LY75: variants seen among roughly 807,000 people sequenced by gnomAD.
LY75 encodes lymphocyte antigen 75, also known as C-type lectin domain family 13 member B.
In LY75, 185 loss-of-function variants were observed where a neutral mutation model predicts 231.7. The ratio of observed to expected loss-of-function variants is 0.80; its 90% CI spans 0.71 to 0.90. The LOEUF (loss-of-function observed/expected upper bound fraction) is 0.90, where lower values mean the gene tolerates loss of function less well. Ranked by LOEUF, LY75 falls within the 40% of genes least tolerant of loss-of-function variation. The probability of loss-of-function intolerance (pLI) is 0.00; values close to 1 mark genes in which losing one functional copy is unlikely to be tolerated. For missense variants in LY75, 1,947 were observed against 2,050.2 expected (o/e 0.95, Z 0.97); for synonymous variants, 668 against 689.0 (o/e 0.97, Z 0.48).
At chr2:159,878,108 A>T (rs1685327048) in intron 11 of LY75, among the ~76,000 whole-genome samples, 1 of 152,182 alleles carries the variant, frequency 6.6e-6, no homozygotes, top group Admixed American at 6.5e-5. Flanking sequence ...GTGGTTTGGG[A>T]GAACTAAGTT....
At chr2:159,817,628 C>T (rs1683159472) in intron 29 of LY75, among the ~76,000 whole-genome samples, 1 of 152,052 alleles carries the variant, frequency 6.6e-6, no homozygotes, top group South Asian at 2.1e-4. Context: ...TGAACCTATA[C>T]TAGGTCTAGA....
At chr2:159,886,381 A>G (rs771547629) in intron 5 of LY75, 39 bp downstream of exon 5, 1 of 1,521,514 alleles carries the variant, frequency 6.6e-7, no homozygotes. Context: ...TTTTTTGAAG[A>G]TTTGTTCTGT....
In LY75 at chr2:159,810,771, T is replaced by C; in HGVS notation, c.4550-96A>G. The C allele has an allele frequency of 4.6e-6, 7 of 1,538,038 alleles. No individual in the cohort carries two copies. The South Asian group carries it at 8.9e-5, about 20-fold the overall frequency. ...TGTCCCTGATTGGAACTGTTGCGTT[T>C]GTGGTTGAGTAGCATTTAACTCATA... is the stretch of plus-strand genomic sequence containing the variant. On this transcript the variant is annotated intron_variant, in intron 31 of 34. Coordinates refer to ENST00000263636, the MANE Select transcript of LY75 (RefSeq NM_002349.4).
intron 32 of LY75, among the ~76,000 whole-genome samples, chr2:159,808,784 T>A (rs1304524405): frequency 6.6e-6 from 1 of 152,224 alleles, no homozygotes; most frequent in Non-Finnish European, 1.5e-5. Context: ...AGAAATTTTG[T>A]GTTTCTTCAA....
chr2:159,807,941 T>A, intron 33 of LY75: 1 of 971,028 alleles, frequency 1.0e-6, no homozygotes, highest in Non-Finnish European at 1.2e-6. Flanking sequence ...AAGCTGCAAT[T>A]ACTTTCACAC....
At chr2:159,859,442 C>T (rs1684635113) in intron 15 of LY75, among the ~76,000 whole-genome samples, 1 of 152,110 alleles carries the variant, frequency 6.6e-6, no homozygotes, top group Non-Finnish European at 1.5e-5. Flanking sequence ...TTTTTTCACT[C>T]TATATATTGG....
intron 29 of LY75, among the ~76,000 whole-genome samples, chr2:159,819,249 T>G (rs1316575165): frequency 6.6e-6 from 1 of 152,166 alleles, no homozygotes; most frequent in Admixed American, 6.5e-5. Context: ...AACTAACATA[T>G]ATTTAAAAAT....
intron 29 of LY75, 77 bp from the exon 30 acceptor site, chr2:159,817,109 C>G (rs955613179): frequency 7.2e-7 from 1 of 1,392,564 alleles, no homozygotes; most frequent in Non-Finnish European, 9.5e-7. Context: ...AACATGCAAT[C>G]ATTTCAAAAG....
In LY75 at chr2:159,899,071, GGACA is replaced by G. The variant is rs769396638; in HGVS notation, c.95-16_95-13del. 203 of 1,606,184 alleles carry G rather than the reference GGACA, an allele frequency of 1.3e-4. No homozygotes were observed. The highest frequency in any genetic ancestry group is 1.6e-4 in the Non-Finnish European group (190 of 1,176,272). On this transcript the variant is annotated splice_polypyrimidine_tract_variant and intron_variant, in intron 1 of 34. Coordinates refer to ENST00000263636, the MANE Select transcript of LY75 (RefSeq NM_002349.4). ...GAAGGGGTCATTAGCTGAGTCAAATGGACAGACAGATTGTAGATTATGTGGTTGA... is the reference window on the plus strand; with the variant it reads ...GAAGGGGTCATTAGCTGAGTCAAATGGACAGATTGTAGATTATGTGGTTGA...
chr2:159,875,634 C>A lies in LY75; in HGVS notation c.1784G>T (p.Gly595Val). ...NWNFLEPASP[G>V]GCVAMSTGKS... Reference sequence around the variant, plus strand: ...TCCAGTAGACATAGCCACGCAGCCGCCCGGGGAAGCTGGGATTGAAGTGGA... The same window carrying A: ...TCCAGTAGACATAGCCACGCAGCCGACCGGGGAAGCTGGGATTGAAGTGGA... The change falls in exon 12 of 35, where the codon GGC becomes GTC. Residue 595 changes from glycine (G) to valine (V), a missense_variant. Physicochemically the swap from Gly to Val is moderately radical, Grantham distance 109. Transcript: ENST00000263636. The A allele has an allele frequency of 6.2e-7, 1 of 1,613,744 alleles. No individual in the cohort carries two copies. The highest frequency in any genetic ancestry group is 1.7e-5 in the Admixed American group (1 of 59,962).
Position 159,831,789 on chromosome 2 carries a change from G to A in LY75, c.3842-3C>T. The stretch of plus-strand genomic sequence containing the variant: ...ACTCAGAATATGTGATTTTGGATCT[G>A]TTGAATAAAAAATAATCAATAATTT... On this transcript the variant is annotated splice_region_variant and splice_polypyrimidine_tract_variant and intron_variant, in intron 27 of 34. Transcript: ENST00000263636. 5 of 1,592,596 alleles carry A rather than the reference G, an allele frequency of 3.1e-6. No individual in the cohort carries two copies. Among genetic ancestry groups the A allele is most frequent in the Non-Finnish European group, 3.4e-6 (4 of 1,170,880 alleles).
rs771546946 is a variant in LY75, at chr2:159,899,005, A to G, written c.149T>C (p.Val50Ala). ...HGNTGKCIKP[V>A]YGWIVADDCD... is the part of the protein sequence containing the mutation. ...GTCGTCTGCTACTATCCAGCCATAC[A>G]CTGGCTTGATGCACTTGCCCGTATT... Residue 50 changes from valine (V) to alanine (A), a missense_variant, in exon 2 of 35, where the codon GTG becomes GCG. Transcript: ENST00000263636. 4.3e-6 allele frequency: 7 copies of G among 1,614,180 alleles called. No homozygotes were observed. Among genetic ancestry groups the G allele is most frequent in the Non-Finnish European group, 5.9e-6 (7 of 1,180,024 alleles).
chr2:159,834,124 C>G lies in LY75; in HGVS notation c.3761G>C (p.Cys1254Ser), dbSNP rs1448995626. The G allele has an allele frequency of 6.2e-7, 1 of 1,614,068 alleles. No homozygotes were observed. The highest frequency in any genetic ancestry group is 1.7e-4 in the Middle Eastern group (1 of 6,060). ...CTTTGTTATTATGAAATTGTAGCAA[C>G]AGTTCTGAAATGGTATCCACGGAGT... Reference protein sequence around the residue: ...LNTPWIPFQNCCYNFIITKNR... With the variant: ...LNTPWIPFQNSCYNFIITKNR... The change falls in exon 27 of 35, where the codon TGT becomes TCT. Residue 1254 changes from cysteine to serine, a missense_variant. Transcript: ENST00000263636.
At chr2:159,855,101 T>C (rs183836088) in intron 16 of LY75, 162 bp from the exon 17 acceptor site, 2 of 362,506 alleles carry the variant, frequency 5.5e-6, no homozygotes, top group Non-Finnish European at 3.8e-6. Context: ...TTGTATTTTG[T>C]AGGGCCGATG....
chr2:159,857,604 C>T (rs2136978), intron 16 of LY75, among the ~76,000 whole-genome samples: 132,297 of 151,992 alleles, frequency 0.87, 59,268 homozygotes, highest in East Asian at 1. Context: ...TGGCTAGGTG[C>T]GGTAGTGGGT....
Position 159,878,422 on chromosome 2 carries a change from C to A in LY75, c.1676G>T (p.Gly559Val), listed in dbSNP as rs749627631. Residue 559 changes from glycine to valine, a missense_variant, in exon 11 of 35, where the codon GGC becomes GTC. Physicochemically the swap from Gly to Val is moderately radical, Grantham distance 109. Coordinates refer to ENST00000263636, the MANE Select transcript of LY75 (RefSeq NM_002349.4). Reference protein sequence around the residue: ...DKSLRKYFWTGLRDVDSCGEY... With the variant: ...DKSLRKYFWTVLRDVDSCGEY... ...TCCACAAGAATCTACATCTCTCAGG[C>A]CAGTCCAGAAGTATTTTCTTAGAGA... 3 of 1,613,978 alleles carry A rather than the reference C, an allele frequency of 1.9e-6. No homozygotes were observed. Among genetic ancestry groups the A allele is most frequent in the Non-Finnish European group, 2.5e-6 (3 of 1,180,016 alleles).
chr2:159,890,470 AC>A, intron 3 of LY75, 93 bp from the exon 4 acceptor site: 2 of 1,553,940 alleles, frequency 1.3e-6, no homozygotes, highest in Non-Finnish European at 1.7e-6. Flanking sequence ...CAATTTGCAT[AC>A]TCTTAGGATA....
intron 13 of LY75, among the ~76,000 whole-genome samples, chr2:159,866,820 T>C (rs1451633338): frequency 6.6e-6 from 1 of 152,160 alleles, no homozygotes; most frequent in African/African-American, 2.4e-5. Flanking sequence ...AAAGTAAGCA[T>C]TAGCTATTTT....
In LY75 at chr2:159,900,171, G is replaced by A. The variant is rs191559119; in HGVS notation, c.95-1112C>T. Among the ~76,000 whole-genome samples, 191 of 152,342 alleles carry A rather than the reference G, an allele frequency of 1.3e-3. 2 individuals carry two copies. The highest frequency in any genetic ancestry group is 2.2e-3 in the Non-Finnish European group (152 of 68,036). ...AATGTTCCCCTGGCACTTTGCATGA[G>A]CTGGCAAAGACCCCAGTAAGGACAA... is the stretch of plus-strand genomic sequence containing the variant. On this transcript the variant is annotated intron_variant, in intron 1 of 34. Transcript: ENST00000263636.
Sources: allele counts gnomAD v4.1 joint callset (sites outside exome capture counted in the v4.1 genomes callset), GRCh38; gene constraint gnomAD v4.1.1; transcripts MANE v1.5; gene names NCBI Gene and HGNC (gene_info 2026-07-23, HGNC 2026-07-21).